Variants in PADI4 observed in about 807,000 individuals in gnomAD.
The protein encoded by PADI4 is peptidyl arginine deiminase 4.
A neutral mutation model predicts 75.0 loss-of-function variants in PADI4; 62 were observed. The observed-to-expected ratio is 0.83, with a 90% CI of 0.67 to 1.02. The LOEUF is 1.02. Among genes scored for constraint, PADI4 ranks in the 50% least tolerant of loss-of-function variants. The pLI, the probability that PADI4 is intolerant of heterozygous loss-of-function variation, is 0.00. For synonymous variants in PADI4, 361 were observed against 348.1 expected, an observed-to-expected ratio of 1.04 and a Z score of -0.41; for missense variants, 845 against 850.5, an observed-to-expected ratio of 0.99 and a Z score of 0.08.
Position 17,352,056 on chromosome 1 carries a change from G to C in PADI4, c.1156-2477G>C, listed in dbSNP as rs559236483. Among the ~76,000 whole-genome samples, 126 of 125,238 alleles carry C rather than the reference G, an allele frequency of 1.0e-3. 6 individuals are homozygous for C. Among genetic ancestry groups the C allele is most frequent in the African/African-American group, 3.3e-3 (100 of 30,366 alleles). The allele number at this position is 125,238 out of a possible 152,430, so 82.2% of individuals were successfully genotyped here. On this transcript the variant is annotated intron_variant, in intron 10 of 15. Coordinates refer to ENST00000375448, the MANE Select transcript of PADI4 (RefSeq NM_012387.3). Reference sequence around the variant, plus strand: ...GATGGGAGGAGAGGCAGTCAGGGAGGTGATGGGAGGTGGGAAGAGAGGCAG... The same window carrying C: ...GATGGGAGGAGAGGCAGTCAGGGAGCTGATGGGAGGTGGGAAGAGAGGCAG...
At position 17,342,350 on chromosome 1, in the gene PADI4, C is replaced by A. The variant is rs1199427836; in HGVS notation, c.883C>A (p.Pro295Thr). ...FQDSVVFRVA[P>T]WIMTPNTQPP... ...AGACAGCGTGGTCTTCCGCGTGGCGCCCTGGATCATGACCCCCAACACCCA... is the reference window on the plus strand; with the variant it reads ...AGACAGCGTGGTCTTCCGCGTGGCGACCTGGATCATGACCCCCAACACCCA... The change falls in exon 8 of 16, where the codon CCC becomes ACC. Residue 295 changes from proline to threonine, a missense_variant. Coordinates refer to ENST00000375448, the MANE Select transcript of PADI4 (RefSeq NM_012387.3). The A allele has an allele frequency of 3.1e-6, 5 of 1,614,034 alleles. No homozygotes were observed. Among genetic ancestry groups the A allele is most frequent in the East Asian group, 2.2e-5 (1 of 44,880 alleles).
rs540288461 is a variant in PADI4, at chr1:17,334,742, C to T, written c.340+733C>T. 2.0e-5 allele frequency: 8 copies of T among 396,972 alleles called. No individual in the cohort carries two copies. The East Asian group carries it at 5.8e-4, about 29-fold the overall frequency. 24.6% of individuals were successfully genotyped at this position (396,972 alleles called of 1,614,324 possible). A position where few individuals can be genotyped will look rare whatever the true frequency, so the allele number is the denominator to read the frequency against. ...CCATTTCTGCCATATCAATGATCCA[C>T]CTATACTCATATTTATGTAATGTTC... On this transcript the variant is annotated intron_variant, in intron 3 of 15. Transcript: ENST00000375448.
At position 17,363,797 on chromosome 1, in the gene PADI4, G is replaced by T. The variant is rs367933628; in HGVS notation, c.*42G>T. 6 of 1,412,066 alleles carry T rather than the reference G, an allele frequency of 4.2e-6. No individual in the cohort carries two copies. Among genetic ancestry groups the T allele is most frequent in the African/African-American group, 4.2e-5 (3 of 70,944 alleles). The allele number at this position is 1,412,066 out of a possible 1,614,324, so 87.5% of individuals were successfully genotyped here. ...GTCCTCTCCCTCCTGGCCAGATGTC[G>T]CTGGGTCCTCTGCAGTGTGGCAAGC... On this transcript the variant is annotated 3_prime_UTR_variant, in exon 16 of 16. Coordinates refer to ENST00000375448, the MANE Select transcript of PADI4 (RefSeq NM_012387.3).
chr1:17,336,168 T>G lies in PADI4; in HGVS notation c.350T>G (p.Leu117Trp), dbSNP rs773850942. ...LLYLTGVEIS[L>W]CADITRTGKV... Reference sequence around the variant, plus strand: ...CTTGATGGGATTTCAGAAATCTCCTTGTGCGCAGACATCACCCGCACCGGC... The same window carrying G: ...CTTGATGGGATTTCAGAAATCTCCTGGTGCGCAGACATCACCCGCACCGGC... Residue 117 changes from leucine (L) to tryptophan (W), a missense_variant, in exon 4 of 16, where the codon TTG becomes TGG. Physicochemically the swap from Leu to Trp is moderately conservative, Grantham distance 61 (BLOSUM62 -2). Coordinates refer to ENST00000375448, the MANE Select transcript of PADI4 (RefSeq NM_012387.3). 1 of 1,612,750 alleles carries G rather than the reference T, an allele frequency of 6.2e-7. No homozygotes were observed. Among genetic ancestry groups the G allele is most frequent in the East Asian group, 2.2e-5 (1 of 44,868 alleles).
chr1:17,344,619 C>G (rs554311967), intron 8 of PADI4, among the ~76,000 whole-genome samples: 108 of 152,332 alleles, frequency 7.1e-4, no homozygotes, highest in African/African-American at 2.5e-3. Context: ...ATCCCAGCTG[C>G]TCCAGCCATG....
intron 4 of PADI4, 45 bp from the exon 5 acceptor site, chr1:17,337,993 C>T (rs1422706775): frequency 1.8e-6 from 2 of 1,127,270 alleles, no homozygotes; most frequent in Non-Finnish European, 2.7e-6. Flanking sequence ...AGTTGGAGGG[C>T]TCTATGCTAG....
At chr1:17,336,130 A>C (rs778924566) in intron 3 of PADI4, 29 bp from the exon 4 acceptor site, 2 of 1,565,878 alleles carry the variant, frequency 1.3e-6, no homozygotes, top group South Asian at 1.1e-5. Context: ...ACCCTCACCA[A>C]CCTCTCCTCT....
chr1:17,352,320 G>A (rs1416333110), intron 10 of PADI4, among the ~76,000 whole-genome samples: 7 of 152,000 alleles, frequency 4.6e-5, no homozygotes, highest in Admixed American at 6.6e-5. Flanking sequence ...GATGGGGAAG[G>A]GACGGGATGA....
At chr1:17,312,275 C>A (rs562461926) in intron 1 of PADI4, among the ~76,000 whole-genome samples, 1 of 152,030 alleles carries the variant, frequency 6.6e-6, no homozygotes, top group Admixed American at 6.5e-5. Context: ...GCCTGGACAA[C>A]ATGGTGAAAC....
rs1452966747 is a variant in PADI4 at position 17,361,955 on chromosome 1, T to A, written c.1759-1567T>A. On this transcript the variant is annotated intron_variant, in intron 15 of 15. Transcript: ENST00000375448. ...ACAGAGCAGGAGTGACTGCCAGAGC[T>A]CAGGGATTCATGGGCAGTTTCACAG... 2.0e-5 allele frequency among the ~76,000 whole-genome samples: 3 copies of A among 152,184 alleles called. No homozygotes were observed. In the East Asian group the frequency reaches 5.8e-4, roughly 29 times the overall value.
At chr1:17,351,758 A>G (rs1168585452) in intron 10 of PADI4, among the ~76,000 whole-genome samples, 1 of 152,164 alleles carries the variant, frequency 6.6e-6, no homozygotes, top group Non-Finnish European at 1.5e-5. Flanking sequence ...TGTTGTAGGC[A>G]GTGAAACAGC....
At chr1:17,321,653 C>T (rs188330882) in intron 1 of PADI4, among the ~76,000 whole-genome samples, 1 of 152,340 alleles carries the variant, frequency 6.6e-6, no homozygotes, top group Non-Finnish European at 1.5e-5. Context: ...CCTCTTCTGT[C>T]TACTTCAGAC....
intron 10 of PADI4, chr1:17,348,320 A>C (rs965787757): frequency 1.6e-5 from 5 of 315,888 alleles, no homozygotes; most frequent in Non-Finnish European, 2.9e-5. Flanking sequence ...TCAGGCTTGG[A>C]CCTCCCTGTG....
intron 15 of PADI4, among the ~76,000 whole-genome samples, chr1:17,362,238 C>T (rs71644046): frequency 0.012 from 1,830 of 149,488 alleles, 19 homozygotes; most frequent in Middle Eastern, 0.031. Context: ...ATTAGCCAGG[C>T]GTGGTGGCAT....
chr1:17,345,828 G>A (rs556384829), intron 8 of PADI4, among the ~76,000 whole-genome samples, 200 bp from the exon 9 acceptor site: 8 of 152,220 alleles, frequency 5.3e-5, no homozygotes, highest in African/African-American at 1.9e-4. Flanking sequence ...GGTGGAAGGG[G>A]TACCCACTAG....
chr1:17,354,713 G>A (rs1376580932), intron 11 of PADI4, 26 bp downstream of exon 11: 1 of 1,575,396 alleles, frequency 6.3e-7, no homozygotes, highest in Non-Finnish European at 8.6e-7. Flanking sequence ...ACAGGAAGGG[G>A]TGGCCAGGAC....
intron 1 of PADI4, among the ~76,000 whole-genome samples, chr1:17,311,629 A>C (rs1200720332): frequency 1.3e-5 from 2 of 151,772 alleles, no homozygotes; most frequent in South Asian, 4.2e-4. Context: ...GGTTCACGCA[A>C]TTCTCCTGCC....
intron 6 of PADI4, among the ~76,000 whole-genome samples, chr1:17,341,390 C>A (rs2074416004): frequency 6.6e-6 from 1 of 152,162 alleles, no homozygotes; most frequent in Admixed American, 6.5e-5. Flanking sequence ...TAAGCCACCA[C>A]ACCCGGCCTG....
chr1:17,318,787 G>A (rs1234363315), intron 1 of PADI4, among the ~76,000 whole-genome samples: 3 of 150,620 alleles, frequency 2.0e-5, no homozygotes, highest in East Asian at 2.0e-4. Flanking sequence ...CCGGGTTCAT[G>A]CCATTCTCTT....
Sources: allele counts gnomAD v4.1 joint callset (sites outside exome capture counted in the v4.1 genomes callset), GRCh38; gene constraint gnomAD v4.1.1; transcripts MANE v1.5; gene names NCBI Gene and HGNC (gene_info 2026-07-23, HGNC 2026-07-21).